RPH3AL: variants seen among roughly 807,000 people sequenced by gnomAD.
RPH3AL encodes rabphilin 3A like (without C2 domains).
Under a neutral mutation model 43.1 loss-of-function variants are expected in RPH3AL, and 38 were observed. The ratio of observed to expected loss-of-function variants is 0.88; its 90% CI spans 0.68 to 1.15. The LOEUF (loss-of-function observed/expected upper bound fraction) is 1.15. Among genes scored for constraint, RPH3AL ranks in the 50% most tolerant of loss-of-function variants. The probability of loss-of-function intolerance (pLI) is 0.00; values close to 1 mark genes in which losing one functional copy is unlikely to be tolerated. For missense variants in RPH3AL, 462 were observed against 423.2 expected (o/e 1.09, Z -0.81); for synonymous variants, 189 against 176.3 (o/e 1.07, Z -0.57).
At chr17:294,796 A>T (rs1598033205) in intron 5 of RPH3AL, among the ~76,000 whole-genome samples, 2 of 71,674 alleles carry the variant, frequency 2.8e-5, no homozygotes, top group African/African-American at 5.3e-5. Context: ...GGGAATGCAC[A>T]TCAGTGTGGG....
chr17:253,709 C>A (rs11653399), intron 6 of RPH3AL, among the ~76,000 whole-genome samples: 1 of 89,190 alleles, frequency 1.1e-5, no homozygotes, highest in Admixed American at 1.1e-4. Context: ...TGAGGGGAGC[C>A]GCACGGCGTC....
intron 5 of RPH3AL, among the ~76,000 whole-genome samples, chr17:315,148 A>C (rs1598090973): frequency 6.9e-6 from 1 of 144,522 alleles, no homozygotes; most frequent in Non-Finnish European, 1.5e-5. Context: ...ACCTCCATTG[A>C]CCTGTAGTCC....
intron 1 of RPH3AL, among the ~76,000 whole-genome samples, chr17:337,443 G>C (rs2044989404): frequency 6.6e-6 from 1 of 152,164 alleles, no homozygotes; most frequent in African/African-American, 2.4e-5. Flanking sequence ...ACGGCATAAG[G>C]CTCAGCCTCG....
At chr17:233,251 C>A (rs2041273562) in intron 7 of RPH3AL, among the ~76,000 whole-genome samples, 2 of 152,150 alleles carry the variant, frequency 1.3e-5, no homozygotes, top group South Asian at 4.1e-4. Context: ...TACCCCCCGC[C>A]TGAAATTCCT....
At chr17:273,032 AGCGAGGGCGAC>A (rs1567604662) in intron 6 of RPH3AL, among the ~76,000 whole-genome samples, 10 of 104,754 alleles carry the variant, frequency 9.5e-5, no homozygotes, top group Admixed American at 3.9e-4. Flanking sequence ...AAGAGACCCC[AGCGAGGGCGAC>A]GTCAGGGAGA....
At chr17:286,485 A>G (rs1434248531) in intron 5 of RPH3AL, among the ~76,000 whole-genome samples, 2 of 152,156 alleles carry the variant, frequency 1.3e-5, no homozygotes, top group Non-Finnish European at 2.9e-5. Flanking sequence ...GAAAGACGAC[A>G]CGCTCCCACT....
rs770216176 is a variant in RPH3AL, at chr17:285,095, C to T, written c.352-3241G>A. The stretch of plus-strand genomic sequence containing the variant: ...ATAAACATTCAGTCCACAGCAGCGC[C>T]CGACCAGGACTGGGATCCTCTCTCT... On this transcript the variant is annotated intron_variant, in intron 5 of 9. Coordinates refer to ENST00000331302, the MANE Select transcript of RPH3AL (RefSeq NM_006987.4). 1.3e-5 allele frequency among the ~76,000 whole-genome samples: 2 copies of T among 152,176 alleles called. 1 individual carries two copies. The highest frequency in any genetic ancestry group is 4.1e-4 in the South Asian group (2 of 4,824).
chr17:271,905 A>G (rs2151588970), intron 6 of RPH3AL, among the ~76,000 whole-genome samples: 1 of 152,366 alleles, frequency 6.6e-6, no homozygotes, highest in Middle Eastern at 3.4e-3. Context: ...AAACAAATTT[A>G]CAAGAAAAAA....
At chr17:318,965 G>A (rs968673533) in intron 5 of RPH3AL, among the ~76,000 whole-genome samples, 21 of 152,240 alleles carry the variant, frequency 1.4e-4, no homozygotes, top group Admixed American at 3.9e-4. Context: ...ATATTCTGGA[G>A]ATGATAACAT....
intron 6 of RPH3AL, among the ~76,000 whole-genome samples, chr17:275,249 CAAA>C (rs1006332907): frequency 2.3e-5 from 2 of 86,486 alleles, no homozygotes; most frequent in African/African-American, 6.2e-5. Context: ...AAACAAAAAA[CAAA>C]AAAAGGAGAG....
chr17:351,272 G>A (rs551040168), intron 1 of RPH3AL, among the ~76,000 whole-genome samples: 2 of 152,096 alleles, frequency 1.3e-5, no homozygotes, highest in South Asian at 4.2e-4. Flanking sequence ...TCTGCCTCCA[G>A]TCCTGGTATC....
intron 5 of RPH3AL, among the ~76,000 whole-genome samples, chr17:310,740 A>G (rs555469807): frequency 6.6e-6 from 1 of 152,282 alleles, no homozygotes; most frequent in Non-Finnish European, 1.5e-5. Flanking sequence ...TGGGATCCGC[A>G]TGGCTCCTGA....
At chr17:307,348 C>T (rs114400813) in intron 5 of RPH3AL, among the ~76,000 whole-genome samples, 3,417 of 141,828 alleles carry the variant, frequency 0.024, 227 homozygotes, top group African/African-American at 0.086. Flanking sequence ...GTCCTCCCCG[C>T]GGCAGGTCCA....
chr17:319,271 A>T, intron 5 of RPH3AL, 149 bp downstream of exon 5: 2 of 963,448 alleles, frequency 2.1e-6, no homozygotes, highest in African/African-American at 1.7e-5. Flanking sequence ...TTTGGTTTTT[A>T]AGTCTTAGTG....
Position 243,455 on chromosome 17 carries a change from T to C in RPH3AL, c.613+3656A>G, listed in dbSNP as rs71372190. Reference sequence around the variant, plus strand: ...TCTATTGATTACCTTCCTCTATTGATTACCTTCCTCTATTGACTACCTTCC... The same window carrying C: ...TCTATTGATTACCTTCCTCTATTGACTACCTTCCTCTATTGACTACCTTCC... On this transcript the variant is annotated intron_variant, in intron 7 of 9. Coordinates refer to ENST00000331302, the MANE Select transcript of RPH3AL (RefSeq NM_006987.4). Among the ~76,000 whole-genome samples, 187 of 121,986 alleles carry C rather than the reference T, an allele frequency of 1.5e-3. 2 individuals are homozygous for C. Among genetic ancestry groups the C allele is most frequent in the East Asian group, 7.1e-3 (27 of 3,802 alleles). The allele number at this position is 121,986 out of a possible 152,430, so 80.0% of individuals were successfully genotyped here.
chr17:298,025 A>T (rs1175070622), intron 5 of RPH3AL, among the ~76,000 whole-genome samples: 2 of 151,726 alleles, frequency 1.3e-5, no homozygotes, highest in African/African-American at 4.8e-5. Flanking sequence ...CCAGCCCCAC[A>T]CTTTGCTGTC....
At chr17:309,324 A>C (rs1337401169) in intron 5 of RPH3AL, among the ~76,000 whole-genome samples, 1 of 152,170 alleles carries the variant, frequency 6.6e-6, no homozygotes, top group Non-Finnish European at 1.5e-5. Flanking sequence ...TGCTCTGTCC[A>C]TGGCTTCCTG....
intron 6 of RPH3AL, among the ~76,000 whole-genome samples, chr17:273,034 CG>C (rs1567604673): frequency 7.9e-5 from 8 of 100,938 alleles, no homozygotes; most frequent in African/African-American, 2.1e-4. Flanking sequence ...GAGACCCCAG[CG>C]AGGGCGACGT....
chr17:336,798 G>A (rs1336881779), intron 1 of RPH3AL, among the ~76,000 whole-genome samples: 1 of 152,122 alleles, frequency 6.6e-6, no homozygotes, highest in Non-Finnish European at 1.5e-5. Flanking sequence ...CAGCCACCAG[G>A]ACCTTGAGGC....
Sources: allele counts gnomAD v4.1 joint callset (sites outside exome capture counted in the v4.1 genomes callset), GRCh38; gene constraint gnomAD v4.1.1; transcripts MANE v1.5; gene names NCBI Gene and HGNC (gene_info 2026-07-23, HGNC 2026-07-21).